KCP: variants seen among roughly 807,000 people sequenced by gnomAD.
KCP encodes the protein kielin cysteine rich BMP regulator.
A neutral mutation model predicts 212.7 loss-of-function variants in KCP; 194 were observed. The ratio of observed to expected loss-of-function variants is 0.91; its 90% CI spans 0.81 to 1.03. The LOEUF (loss-of-function observed/expected upper bound fraction) is 1.03, where lower values mean the gene tolerates loss of function less well. KCP is among the 50% of genes least tolerant of loss of function. The probability of loss-of-function intolerance (pLI) is 0.00; values close to 1 mark genes in which losing one functional copy is unlikely to be tolerated. For missense variants in KCP, 2,080 were observed against 2,162.5 expected (o/e 0.96, Z 0.76); for synonymous variants, 833 against 865.3 (o/e 0.96, Z 0.65).
Position 128,888,931 on chromosome 7 carries a change from C to G in KCP, c.2444G>C (p.Arg815Pro), listed in dbSNP as rs894408637. The G allele has an allele frequency of 6.5e-7, 1 of 1,549,680 alleles. No homozygotes were observed. Among genetic ancestry groups the G allele is most frequent in the East Asian group, 2.5e-5 (1 of 40,794 alleles). ...CLGGFVTCGR[R>P]PCEPPGCSHP... ...GCTGCAGCCCGGAGGCTCACAGGGC[C>G]GGCGGCCGCAGGTCACGAAGCCTCC... The change falls in exon 22 of 40, where the codon CGG (arginine) becomes CCG (proline). Residue 815 changes from arginine (R) to proline (P), a missense_variant. Coordinates refer to ENST00000610776, the MANE Select transcript of KCP (RefSeq NM_001366122.1).
chr7:128,891,931 A>G (rs1205679811), intron 16 of KCP, 112 bp from the exon 17 acceptor site: 1 of 765,228 alleles, frequency 1.3e-6, no homozygotes, highest in Non-Finnish European at 2.0e-6. Flanking sequence ...TCGAGGGGAA[A>G]GAGGAGGAAG....
At chr7:128,882,742 C>G (rs1230419349) in intron 29 of KCP, among the ~76,000 whole-genome samples, 1 of 147,564 alleles carries the variant, frequency 6.8e-6, no homozygotes. Flanking sequence ...ATTTTAGTGT[C>G]TTACCACCAT....
chr7:128,879,970 T>G lies in KCP; in HGVS notation c.3875A>C (p.His1292Pro). 1.3e-6 allele frequency: 2 copies of G among 1,550,736 alleles called. No individual in the cohort carries two copies. The highest frequency in any genetic ancestry group is 4.9e-5 in the East Asian group (2 of 40,906). Residue 1292 changes from histidine (H) to proline (P), a missense_variant, in exon 35 of 40, where the codon CAC (histidine) becomes CCC (proline). Transcript: ENST00000610776. ...HYRTFDGRLLHFQGSCSYVLA... is the reference protein window; with the variant it reads ...HYRTFDGRLLPFQGSCSYVLA... ...CACATAGCTGCAACTGCCCTGGAAG[T>G]GCAGCAGGCGGCCGTCGAAGGTGCG...
At chr7:128,904,960 C>T (rs1221338556) in intron 5 of KCP, among the ~76,000 whole-genome samples, 1 of 151,356 alleles carries the variant, frequency 6.6e-6, no homozygotes, top group Non-Finnish European at 1.5e-5. Context: ...TAGCAGTGGC[C>T]CTGAGGCACC....
intron 8 of KCP, among the ~76,000 whole-genome samples, chr7:128,894,989 G>A (rs1794429343): frequency 6.6e-6 from 1 of 152,170 alleles, no homozygotes; most frequent in African/African-American, 2.4e-5. Context: ...AGGTTCAGGT[G>A]CTGCAGAAGC....
intron 26 of KCP, 21 bp from the exon 27 acceptor site, chr7:128,885,291 G>A (rs1357122642): frequency 2.0e-6 from 3 of 1,525,452 alleles, no homozygotes; most frequent in Non-Finnish European, 2.7e-6. Flanking sequence ...AAGTGGGCAG[G>A]GACGAGCTCG....
In KCP at chr7:128,910,641, G is replaced by A. The variant is rs1269251296; in HGVS notation, c.36C>T (p.Leu12=). Residue 12 remains leucine, a synonymous_variant, in exon 1 of 40, where the codon CTC becomes CTT. Coordinates refer to ENST00000610776, the MANE Select transcript of KCP (RefSeq NM_001366122.1). Reference sequence around the variant, plus strand: ...CCAGCGCCAGGGCCCCGAGGTGCAGGAGAAGGGACAGCGCAGCGGCCCCGA... The same window carrying A: ...CCAGCGCCAGGGCCCCGAGGTGCAGAAGAAGGGACAGCGCAGCGGCCCCGA... ...AGVGAAALSL[L]LHLGALALAA... 1 of 1,517,868 alleles carries A rather than the reference G, an allele frequency of 6.6e-7. No homozygotes were observed. Among genetic ancestry groups the A allele is most frequent in the Non-Finnish European group, 8.8e-7 (1 of 1,139,838 alleles). 94.0% of individuals were successfully genotyped at this position (1,517,868 alleles called of 1,614,324 possible).
chr7:128,899,559 T>C (rs112493581), intron 8 of KCP, among the ~76,000 whole-genome samples: 1,956 of 152,308 alleles, frequency 0.013, 39 homozygotes, highest in African/African-American at 0.044. Flanking sequence ...ACATTGCTGA[T>C]CCTTTGTTTT....
At chr7:128,895,377 C>T (rs1794454371) in intron 8 of KCP, among the ~76,000 whole-genome samples, 1 of 152,200 alleles carries the variant, frequency 6.6e-6, no homozygotes, top group Non-Finnish European at 1.5e-5. Flanking sequence ...ATGGTGGCTA[C>T]TGCCACTACC....
chr7:128,891,487 G>A lies in KCP; in HGVS notation c.1842C>T (p.Pro614=). The A allele has an allele frequency of 1.9e-6, 3 of 1,550,340 alleles. No individual in the cohort carries two copies. The highest frequency in any genetic ancestry group is 2.6e-6 in the Non-Finnish European group (3 of 1,146,788). Residue 614 remains proline, a synonymous_variant, in exon 18 of 40, where the codon CCC becomes CCT. Coordinates refer to ENST00000610776, the MANE Select transcript of KCP (RefSeq NM_001366122.1). The part of the protein sequence containing the change: ...GKEYPSGADF[P]HPSDPCRLCR... ...ACAGACGGCAGGGGTCAGAGGGGTG[G>A]GGGAAGTCCGCTCCGCTGGGGTACT...
chr7:128,889,079 A>G (rs1793923632), intron 21 of KCP, 40 bp from the exon 22 acceptor site: 1 of 1,439,674 alleles, frequency 6.9e-7, no homozygotes, highest in Admixed American at 2.7e-5. Context: ...GGAGGGACAG[A>G]AAGGGATGAG....
intron 28 of KCP, 63 bp from the exon 29 acceptor site, chr7:128,884,185 G>A (rs1793504581): frequency 3.0e-5 from 45 of 1,495,318 alleles, no homozygotes; most frequent in Non-Finnish European, 3.7e-5. Flanking sequence ...GCCCTTGGCC[G>A]GGACTTCCGG....
At chr7:128,906,775 AC>A (rs1444923845) in intron 4 of KCP, among the ~76,000 whole-genome samples, 1 of 152,058 alleles carries the variant, frequency 6.6e-6, no homozygotes, top group African/African-American at 2.4e-5. Flanking sequence ...AGGACAAGCA[AC>A]TATTAAGTTG....
chr7:128,877,799 G>C lies in KCP; in HGVS notation c.4312-9C>G. ...CACAGCCCCTCTGAGACCTGGGTGG[G>C]GAGAGCAGCCCTGACGTGACAGCAC... On this transcript the variant is annotated splice_polypyrimidine_tract_variant and intron_variant, in intron 38 of 39. Coordinates refer to ENST00000610776, the MANE Select transcript of KCP (RefSeq NM_001366122.1). The C allele has an allele frequency of 6.5e-7, 1 of 1,542,236 alleles. No homozygotes were observed. The highest frequency in any genetic ancestry group is 8.8e-7 in the Non-Finnish European group (1 of 1,142,060).
chr7:128,884,970 A>G (rs923299836), intron 27 of KCP, 107 bp from the exon 28 acceptor site: 1 of 1,477,318 alleles, frequency 6.8e-7, no homozygotes, highest in African/African-American at 1.4e-5. Context: ...CAGGGAGTGG[A>G]GTGTGCACAA....
At position 128,892,579 on chromosome 7, in the gene KCP, T is replaced by C; in HGVS notation, c.1556A>G (p.Asp519Gly). The C allele has an allele frequency of 6.4e-7, 1 of 1,550,536 alleles. No homozygotes were observed. The highest frequency in any genetic ancestry group is 8.7e-7 in the Non-Finnish European group (1 of 1,146,260). The change falls in exon 16 of 40, where the codon GAC becomes GGC. Residue 519 changes from aspartate to glycine, a missense_variant. Transcript: ENST00000610776. The stretch of plus-strand genomic sequence containing the variant: ...CCTGGCACAGGTCGTGGGAGGGCAG[T>C]CAACCAAGGAGCATGTCACAGTTCC... The part of the protein sequence containing the change: ...QDGTVTCSLV[D>G]CPPTTCARPQ...
At position 128,880,437 on chromosome 7, in the gene KCP, C is replaced by T. The variant is rs977739911; in HGVS notation, c.3708G>A (p.Ala1236=). ...VDTCTSCSCM[A]GTVRCQSQRC... ...GCTGGCTCTGGCAACGCACGGTGCC[C>T]GCCATGCAGGAGCAGCTGGTGCAGG... The change falls in exon 34 of 40, where the codon GCG becomes GCA. Residue 1236 remains alanine, a synonymous_variant. Transcript: ENST00000610776. The T allele has an allele frequency of 3.0e-5, 46 of 1,547,218 alleles. No homozygotes were observed. Among genetic ancestry groups the T allele is most frequent in the African/African-American group, 2.7e-4 (20 of 73,006 alleles).
intron 5 of KCP, chr7:128,904,376 C>T (rs1268572731): frequency 1.9e-5 from 30 of 1,550,936 alleles, no homozygotes; most frequent in Non-Finnish European, 2.4e-5. Context: ...CTGCACGGCT[C>T]CTGTCTGCAG....
intron 8 of KCP, among the ~76,000 whole-genome samples, chr7:128,902,167 TCA>T (rs1794888774): frequency 1.3e-5 from 2 of 152,190 alleles, no homozygotes; most frequent in Admixed American, 6.5e-5. Flanking sequence ...GGTGCTGGGA[TCA>T]CAGTCATGAG....
Sources: gnomAD v4.1 joint callset for allele counts (sites outside exome capture counted in the v4.1 genomes callset) on GRCh38, gnomAD v4.1.1 for gene constraint, MANE v1.5 for transcripts, NCBI Gene and HGNC (gene_info 2026-07-23, HGNC 2026-07-21) for gene names.